The following CCDC85A variants were observed in gnomAD, a reference collection of about 807,000 sequenced individuals.
CCDC85A encodes coiled-coil domain-containing protein 85A.
In CCDC85A, 38 loss-of-function variants were observed where a neutral mutation model predicts 50.2. The ratio of observed to expected loss-of-function variants is 0.76; its 90% CI spans 0.58 to 0.99. The LOEUF (loss-of-function observed/expected upper bound fraction) is 0.99. CCDC85A is among the 50% of genes least tolerant of loss of function. The pLI, the probability that CCDC85A is intolerant of heterozygous loss-of-function variation, is 0.00. For synonymous variants in CCDC85A, 366 were observed against 301.4 expected, an observed-to-expected ratio of 1.21 and a Z score of -2.22; for missense variants, 820 against 742.0, an observed-to-expected ratio of 1.11 and a Z score of -1.22.
intron 2 of CCDC85A, among the ~76,000 whole-genome samples, chr2:56,220,498 C>T (rs765339150): frequency 6.6e-6 from 1 of 152,004 alleles, no homozygotes; most frequent in Non-Finnish European, 1.5e-5. Context: ...TGAAGAAAGA[C>T]AATTGTACTT....
intron 2 of CCDC85A, among the ~76,000 whole-genome samples, chr2:56,229,569 G>C (rs1313138204): frequency 6.6e-6 from 1 of 152,084 alleles, no homozygotes; most frequent in Non-Finnish European, 1.5e-5. Flanking sequence ...AAAACGAAAG[G>C]AGAGAAAGAA....
At chr2:56,305,527 A>G (rs974758620) in intron 2 of CCDC85A, among the ~76,000 whole-genome samples, 29 of 152,238 alleles carry the variant, frequency 1.9e-4, no homozygotes, top group African/African-American at 6.0e-4. Context: ...GTAGTATGCA[A>G]CGTCTACTGC....
chr2:56,374,090 C>T (rs896569676), intron 4 of CCDC85A, among the ~76,000 whole-genome samples: 8 of 152,150 alleles, frequency 5.3e-5, no homozygotes, highest in Middle Eastern at 3.2e-3. Flanking sequence ...TTTCCTTTCC[C>T]ACAGGGGATT....
At chr2:56,374,461 T>C (rs1252831407) in intron 4 of CCDC85A, among the ~76,000 whole-genome samples, 1 of 152,212 alleles carries the variant, frequency 6.6e-6, no homozygotes, top group Non-Finnish European at 1.5e-5. Flanking sequence ...ATGTAATCCA[T>C]ACCTATAATT....
intron 3 of CCDC85A, among the ~76,000 whole-genome samples, chr2:56,349,966 A>G (rs1674827319): frequency 6.6e-6 from 1 of 151,930 alleles, no homozygotes; most frequent in Non-Finnish European, 1.5e-5. Context: ...TCAACTAGAA[A>G]TGTAGATACT....
chr2:56,277,364 G>A (rs772337303), intron 2 of CCDC85A, among the ~76,000 whole-genome samples: 10 of 151,930 alleles, frequency 6.6e-5, no homozygotes, highest in Non-Finnish European at 8.8e-5. Context: ...AACCCAAAAC[G>A]TCCTTCATTT....
At chr2:56,232,440 T>G (rs1235078617) in intron 2 of CCDC85A, among the ~76,000 whole-genome samples, 2 of 152,192 alleles carry the variant, frequency 1.3e-5, no homozygotes, top group Non-Finnish European at 2.9e-5. Flanking sequence ...AATTCCCAAG[T>G]ATCAAGGGCA....
chr2:56,286,935 T>C (rs1406377611), intron 2 of CCDC85A, among the ~76,000 whole-genome samples: 1 of 152,196 alleles, frequency 6.6e-6, no homozygotes, highest in African/African-American at 2.4e-5. Flanking sequence ...AGGTTGGCTC[T>C]ATTTTAGGTT....
chr2:56,201,624 T>C (rs1313617794), intron 2 of CCDC85A, among the ~76,000 whole-genome samples: 3 of 152,146 alleles, frequency 2.0e-5, no homozygotes, highest in East Asian at 1.9e-4. Context: ...AAAGCATGAA[T>C]TGCTTTTGGG....
chr2:56,351,054 C>A (rs1195125367), intron 3 of CCDC85A, among the ~76,000 whole-genome samples: 1 of 119,086 alleles, frequency 8.4e-6, no homozygotes, highest in Non-Finnish European at 1.7e-5. Flanking sequence ...TTCCTGTGTC[C>A]ATGTGTTCTC....
chr2:56,195,316 C>A, intron 2 of CCDC85A, among the ~76,000 whole-genome samples: 1 of 152,110 alleles, frequency 6.6e-6, no homozygotes, highest in East Asian at 1.9e-4. Flanking sequence ...TAGCTTATTG[C>A]CTGGATACAG....
chr2:56,265,697 A>G (rs1030733157), intron 2 of CCDC85A, among the ~76,000 whole-genome samples: 6 of 152,196 alleles, frequency 3.9e-5, no homozygotes, highest in African/African-American at 1.2e-4. Flanking sequence ...GGTTGGTGGT[A>G]TTGTAAATTA....
intron 2 of CCDC85A, among the ~76,000 whole-genome samples, chr2:56,280,597 A>G (rs1343751967): frequency 6.6e-6 from 1 of 152,162 alleles, no homozygotes; most frequent in Non-Finnish European, 1.5e-5. Flanking sequence ...CACTCCAAAG[A>G]CAATCCCCTC....
At chr2:56,328,886 C>T (rs1673615007) in intron 2 of CCDC85A, among the ~76,000 whole-genome samples, 1 of 152,112 alleles carries the variant, frequency 6.6e-6, no homozygotes, top group Admixed American at 6.5e-5. Flanking sequence ...CACCCTCTCT[C>T]ATTCTTGTTT....
chr2:56,257,987 A>G (rs1463681890), intron 2 of CCDC85A, among the ~76,000 whole-genome samples: 1 of 152,228 alleles, frequency 6.6e-6, no homozygotes, highest in Non-Finnish European at 1.5e-5. Flanking sequence ...TTAATCAGCT[A>G]TTATAATGGG....
rs899376746 is a variant in CCDC85A, at chr2:56,192,708, G to A, written c.508G>A (p.Val170Met). ...KENMELKELC[V>M]LLDEEKGAGC... ...GAACATGGAGCTCAAGGAGCTCTGT[G>A]TGCTACTAGATGAGGAGAAGGGTGC... The change falls in exon 2 of 6, where the codon GTG (valine) becomes ATG (methionine). Residue 170 changes from valine (V) to methionine (M), a missense_variant. Transcript: ENST00000407595. This position sits in a 1 kb window ranked among gnomAD's most constrained non-coding sequence, Gnocchi z 4.7. The A allele has an allele frequency of 6.2e-7, 1 of 1,613,894 alleles. No homozygotes were observed. Among genetic ancestry groups the A allele is most frequent in the Non-Finnish European group, 8.5e-7 (1 of 1,179,872 alleles).
intron 2 of CCDC85A, among the ~76,000 whole-genome samples, chr2:56,269,569 T>C (rs193009919): frequency 3.0e-4 from 45 of 152,284 alleles, no homozygotes; most frequent in African/African-American, 7.9e-4. Flanking sequence ...CTAACACGTA[T>C]TGAGGATTCA....
chr2:56,227,912 G>A (rs1054001005), intron 2 of CCDC85A, among the ~76,000 whole-genome samples: 1 of 152,170 alleles, frequency 6.6e-6, no homozygotes, highest in Admixed American at 6.5e-5. Context: ...TCTGTAATTT[G>A]GAAACCAGTG....
chr2:56,320,193 T>C (rs2104256523), intron 2 of CCDC85A, among the ~76,000 whole-genome samples: 1 of 152,030 alleles, frequency 6.6e-6, no homozygotes, highest in Admixed American at 6.6e-5. Context: ...GGAGGAGAGA[T>C]CTAAAATTGA....
Sources: allele counts gnomAD v4.1 joint callset (sites outside exome capture counted in the v4.1 genomes callset), GRCh38; gene constraint gnomAD v4.1.1; non-coding constraint Gnocchi (gnomAD v3.1); transcripts MANE v1.5; gene names NCBI Gene and HGNC (gene_info 2026-07-23, HGNC 2026-07-21).